The following DNAJC8 variants were observed in gnomAD, a reference collection of about 807,000 sequenced individuals.
DNAJC8 encodes the protein DnaJ heat shock protein family (Hsp40) member C8.
Under a neutral mutation model 43.2 loss-of-function variants are expected in DNAJC8, and 24 were observed. The ratio of observed to expected loss-of-function variants is 0.56; its 90% confidence interval spans 0.40 to 0.78. DNAJC8 has a LOEUF of 0.78. DNAJC8 is among the 30% of genes least tolerant of loss of function. DNAJC8 has a pLI of 0.00. For synonymous variants in DNAJC8, 83 were observed against 98.0 expected (o/e 0.85, Z 0.90); for missense variants, 207 against 299.4 (o/e 0.69, Z 2.28).
chr1:28,209,145 T>G (rs1646791810), intron 5 of DNAJC8, among the ~76,000 whole-genome samples: 1 of 152,200 alleles, frequency 6.6e-6, no homozygotes, highest in African/African-American at 2.4e-5. Context: ...GCACTTTCCC[T>G]ATTTCTACCA....
chr1:28,216,547 T>TC (rs1646856051), intron 2 of DNAJC8, among the ~76,000 whole-genome samples: 1 of 152,156 alleles, frequency 6.6e-6, no homozygotes, highest in Non-Finnish European at 1.5e-5. Flanking sequence ...CTGATTGATT[T>TC]TTTAAAAATA....
intron 3 of DNAJC8, among the ~76,000 whole-genome samples, chr1:28,212,193 ATATATATATATATATAT>A (rs1195074004): frequency 1.8e-5 from 2 of 110,994 alleles, no homozygotes; most frequent in African/African-American, 4.1e-5. Flanking sequence ...ATATATATAT[ATATATATATATATATAT>A]ATATAAATGA....
At chr1:28,213,672 T>C (rs377541738) in intron 3 of DNAJC8, among the ~76,000 whole-genome samples, 9 of 152,114 alleles carry the variant, frequency 5.9e-5, no homozygotes, top group African/African-American at 1.2e-4. Flanking sequence ...ATGGAATATA[T>C]AGAAAATCCA....
At chr1:28,227,104 C>T (rs868347718) in intron 2 of DNAJC8, among the ~76,000 whole-genome samples, 17 of 95,138 alleles carry the variant, frequency 1.8e-4, no homozygotes, top group South Asian at 3.6e-4. Flanking sequence ...CTCTCTCTCT[C>T]TTTTTTTTTT....
At chr1:28,232,319 G>A (rs1374904059) in intron 1 of DNAJC8, among the ~76,000 whole-genome samples, 3 of 152,110 alleles carry the variant, frequency 2.0e-5, no homozygotes, top group African/African-American at 7.2e-5. Flanking sequence ...AATATTTACT[G>A]AGCATCCACT....
chr1:28,201,398 G>A, intron 8 of DNAJC8, 28 bp from the exon 9 acceptor site: 1 of 1,613,302 alleles, frequency 6.2e-7, no homozygotes, highest in Non-Finnish European at 8.5e-7. Context: ...TTGAGGTGAG[G>A]AGACCAGTCA....
chr1:28,227,689 T>C (rs1646946319), intron 2 of DNAJC8, among the ~76,000 whole-genome samples: 2 of 151,802 alleles, frequency 1.3e-5, no homozygotes, highest in South Asian at 4.2e-4. Context: ...GTCAAGGAGA[T>C]CACTTAAGCC....
intron 8 of DNAJC8, 103 bp from the exon 9 acceptor site, chr1:28,201,473 G>C (rs767812537): frequency 1.9e-6 from 3 of 1,540,472 alleles, no homozygotes; most frequent in Non-Finnish European, 2.6e-6. Flanking sequence ...GCCCACTTCA[G>C]TCCTCTGGAA....
intron 4 of DNAJC8, chr1:28,210,365 T>C (rs750876074): frequency 6.3e-5 from 36 of 570,750 alleles, no homozygotes; most frequent in Non-Finnish European, 9.8e-5. Flanking sequence ...TTTGTTGGCA[T>C]ATAAAAGTTT....
chr1:28,229,291 G>A (rs1354354543), intron 1 of DNAJC8, among the ~76,000 whole-genome samples: 4 of 152,188 alleles, frequency 2.6e-5, no homozygotes, highest in Non-Finnish European at 4.4e-5. Context: ...GAGGCTTAGA[G>A]AAGGTAACTG....
At chr1:28,203,865 G>C (rs770232400) in intron 7 of DNAJC8, 43 bp from the exon 8 acceptor site, 4 of 1,588,640 alleles carry the variant, frequency 2.5e-6, no homozygotes, top group Middle Eastern at 1.7e-4. Flanking sequence ...GATACTTACA[G>C]ACTGAATTAA....
In DNAJC8 at chr1:28,228,914, C is replaced by T. The variant is rs1372248065; in HGVS notation, c.180+8G>A. ...TTACAGAGGCCCTAGCAACATCAAT[C>T]GGCTCACCTCAAATGGGTTCAAATT... On this transcript the variant is annotated splice_region_variant and intron_variant, in intron 2 of 8. Coordinates refer to ENST00000263697, the MANE Select transcript of DNAJC8 (RefSeq NM_014280.3). 8 of 1,610,576 alleles carry T rather than the reference C, an allele frequency of 5.0e-6. No homozygotes were observed. The highest frequency in any genetic ancestry group is 4.5e-5 in the East Asian group (2 of 44,864).
chr1:28,231,387 G>A (rs1441385142), intron 1 of DNAJC8, among the ~76,000 whole-genome samples: 2 of 151,966 alleles, frequency 1.3e-5, no homozygotes, highest in African/African-American at 4.8e-5. Flanking sequence ...TTACAGATGT[G>A]GAATATGAAG....
At chr1:28,219,187 T>TTATAG (rs936019392) in intron 2 of DNAJC8, among the ~76,000 whole-genome samples, 2 of 151,832 alleles carry the variant, frequency 1.3e-5, no homozygotes, top group African/African-American at 4.8e-5. Context: ...AGTAAAATGG[T>TTATAG]TATAGTGGTT....
At chr1:28,213,270 TA>T (rs1646827728) in intron 3 of DNAJC8, among the ~76,000 whole-genome samples, 1 of 152,124 alleles carries the variant, frequency 6.6e-6, no homozygotes, top group South Asian at 2.1e-4. Flanking sequence ...TGTAGCTACA[TA>T]AAAAATTGTT....
Position 28,219,284 on chromosome 1 carries a change from A to G in DNAJC8, c.181-4288T>C, listed in dbSNP as rs187850332. Among the ~76,000 whole-genome samples the G allele has an allele frequency of 7.9e-5, 12 of 152,092 alleles. No individual in the cohort carries two copies. The East Asian group carries it at 2.3e-3, about 29-fold the overall frequency. Reference sequence around the variant, plus strand: ...AGCACTTTGGGAGGCGGAGGCAGACAGATCACTAGGTCAGGAGATCGAGAC... The same window carrying G: ...AGCACTTTGGGAGGCGGAGGCAGACGGATCACTAGGTCAGGAGATCGAGAC... On this transcript the variant is annotated intron_variant, in intron 2 of 8. Transcript: ENST00000263697.
chr1:28,224,680 C>A (rs576463753), intron 2 of DNAJC8, among the ~76,000 whole-genome samples: 10 of 151,956 alleles, frequency 6.6e-5, no homozygotes, highest in African/African-American at 2.4e-4. Context: ...GTCAGGAGTT[C>A]GAGACAAGCC....
At chr1:28,228,127 G>A (rs552507090) in intron 2 of DNAJC8, among the ~76,000 whole-genome samples, 6 of 152,036 alleles carry the variant, frequency 3.9e-5, no homozygotes, top group Admixed American at 1.3e-4. Flanking sequence ...GAGGCGGGTG[G>A]ATCACAAGGT....
At chr1:28,226,026 A>T (rs1466268773) in intron 2 of DNAJC8, among the ~76,000 whole-genome samples, 2 of 151,112 alleles carry the variant, frequency 1.3e-5, no homozygotes, top group African/African-American at 4.9e-5. Context: ...TTTATGTTAT[A>T]TATATTTTTC....
Sources: allele counts gnomAD v4.1 joint callset (sites outside exome capture counted in the v4.1 genomes callset), GRCh38; gene constraint gnomAD v4.1.1; transcripts MANE v1.5; gene names NCBI Gene and HGNC (gene_info 2026-07-23, HGNC 2026-07-21).